Variants in HIVEP3 observed in about 807,000 individuals in gnomAD.
The protein encoded by HIVEP3 is transcription factor HIVEP3.
HIVEP3 carries 49 observed loss-of-function variants against 152.8 expected under a neutral mutation model. That is an observed-to-expected ratio of 0.32 (90% CI 0.26 to 0.41). The LOEUF is 0.41. Among genes scored for constraint, HIVEP3 ranks in the 10% least tolerant of loss-of-function variants. The pLI, the probability that HIVEP3 is intolerant of heterozygous loss-of-function variation, is 1.00. For missense variants in HIVEP3, 2,790 were observed against 3,103.3 expected (o/e 0.90, Z 2.40); for synonymous variants, 1,269 against 1,289.0 (o/e 0.98, Z 0.33).
chr1:41,865,231 C>A (rs1046354248), intron 1 of HIVEP3, among the ~76,000 whole-genome samples: 1 of 152,190 alleles, frequency 6.6e-6, no homozygotes, highest in Non-Finnish European at 1.5e-5. Context: ...GCAGCTGGGG[C>A]TAAACAAAGA....
At position 41,513,217 on chromosome 1, in the gene HIVEP3, C is replaced by T; in HGVS notation, c.6004G>A (p.Glu2002Lys). 3 of 1,613,642 alleles carry T rather than the reference C, an allele frequency of 1.9e-6. No homozygotes were observed. Among genetic ancestry groups the T allele is most frequent in the Admixed American group, 1.7e-5 (1 of 60,016 alleles). The change falls in exon 8 of 9, where the codon GAA (glutamate) becomes AAA (lysine). Residue 2002 changes from glutamate (E) to lysine (K), a missense_variant. Transcript: ENST00000372583. ...GGGCTTGGGGCTGAGGCCTGTGGTT[C>T]TCGGGCCGGGGAGCATCGCTGGGGA... ...SSPQRCSPAREPQASAPSPPG... is the reference protein window; with the variant it reads ...SSPQRCSPARKPQASAPSPPG...
intron 2 of HIVEP3, among the ~76,000 whole-genome samples, chr1:41,666,152 T>C (rs1486182742): frequency 6.6e-6 from 1 of 152,160 alleles, no homozygotes; most frequent in Non-Finnish European, 1.5e-5. Flanking sequence ...TATGTGTGTG[T>C]GTGTGCATGT....
chr1:41,739,028 G>A (rs964520265), intron 1 of HIVEP3, among the ~76,000 whole-genome samples: 1 of 152,198 alleles, frequency 6.6e-6, no homozygotes, highest in East Asian at 1.9e-4. Context: ...CACAGTCACC[G>A]GAAGGCTGAA....
intron 1 of HIVEP3, among the ~76,000 whole-genome samples, chr1:41,753,576 G>A (rs1647201585): frequency 1.3e-5 from 2 of 152,032 alleles, no homozygotes; most frequent in African/African-American, 4.8e-5. Context: ...GCTGAGGCAG[G>A]AGAATCACTT....
At chr1:42,008,503 C>T (rs1018759340) in intron 1 of HIVEP3, among the ~76,000 whole-genome samples, 3 of 152,296 alleles carry the variant, frequency 2.0e-5, no homozygotes, top group Middle Eastern at 6.8e-3. Flanking sequence ...CTTTCTAAAT[C>T]GGCTCCACAA....
At chr1:41,707,026 T>TTTTCTTTGAAATA (rs1553251339) in intron 1 of HIVEP3, among the ~76,000 whole-genome samples, 1 of 152,228 alleles carries the variant, frequency 6.6e-6, no homozygotes, top group Non-Finnish European at 1.5e-5. Context: ...CCAGAGAATA[T>TTTTCTTTGAAATA]TTTCTTTGAA....
chr1:41,736,443 G>A (rs57287386), intron 1 of HIVEP3, among the ~76,000 whole-genome samples: 46,191 of 152,066 alleles, frequency 0.3, 7,939 homozygotes, highest in East Asian at 0.47. Flanking sequence ...CTGGCTTTGG[G>A]AGAAGGAAGG....
intron 3 of HIVEP3, among the ~76,000 whole-genome samples, chr1:41,612,174 C>T (rs1003633496): frequency 6.6e-6 from 1 of 152,116 alleles, no homozygotes. Flanking sequence ...GCTGCCCGGT[C>T]CCCCATCTTC....
intron 2 of HIVEP3, among the ~76,000 whole-genome samples, chr1:41,637,848 T>C (rs568272156): frequency 1.3e-5 from 2 of 152,294 alleles, no homozygotes; most frequent in East Asian, 3.8e-4. Flanking sequence ...TGTCCGGAAC[T>C]GGGGCAGAGC....
intron 1 of HIVEP3, among the ~76,000 whole-genome samples, chr1:42,005,517 A>G (rs1028114123): frequency 5.3e-5 from 8 of 152,294 alleles, no homozygotes; most frequent in Middle Eastern, 6.8e-3. Context: ...CACAGCCTTC[A>G]TTTATTTTGT....
chr1:41,614,732 G>T (rs992458593), intron 3 of HIVEP3, among the ~76,000 whole-genome samples: 2 of 152,178 alleles, frequency 1.3e-5, no homozygotes, highest in Admixed American at 6.5e-5. Context: ...CACTTAGAAG[G>T]CCCCACATGG....
intron 1 of HIVEP3, among the ~76,000 whole-genome samples, chr1:41,764,135 G>A (rs1183212296): frequency 2.0e-5 from 3 of 152,112 alleles, no homozygotes; most frequent in Admixed American, 1.3e-4. Flanking sequence ...TGATAGAGAA[G>A]GGACTCTGAA....
chr1:41,537,339 C>T (rs1465843906), intron 5 of HIVEP3, among the ~76,000 whole-genome samples: 1 of 152,210 alleles, frequency 6.6e-6, no homozygotes, highest in Non-Finnish European at 1.5e-5. Flanking sequence ...ATGCTTTCCT[C>T]CCAGGGGGCA....
At chr1:41,720,904 A>G (rs1401453278) in intron 1 of HIVEP3, among the ~76,000 whole-genome samples, 1 of 152,240 alleles carries the variant, frequency 6.6e-6, no homozygotes, top group African/African-American at 2.4e-5. Context: ...GACAGCATGG[A>G]TGAACCTGGA....
chr1:41,902,046 G>C (rs769426828), intron 1 of HIVEP3, among the ~76,000 whole-genome samples: 43 of 152,108 alleles, frequency 2.8e-4, no homozygotes, highest in Non-Finnish European at 6.3e-4. Flanking sequence ...AAGTGAGGAG[G>C]GGGAGAGCTG....
intron 2 of HIVEP3, among the ~76,000 whole-genome samples, chr1:41,642,742 C>T (rs1435050227): frequency 1.3e-5 from 2 of 152,264 alleles, no homozygotes; most frequent in South Asian, 4.2e-4. Context: ...CTAACCCCGT[C>T]GACAGGGAAA....
intron 5 of HIVEP3, among the ~76,000 whole-genome samples, chr1:41,560,943 T>C (rs986233437): frequency 6.6e-6 from 1 of 152,192 alleles, no homozygotes; most frequent in African/African-American, 2.4e-5. Context: ...ATAAGAAGCA[T>C]CCTGCAGCAA....
chr1:41,580,079 C>A lies in HIVEP3; in HGVS notation c.4719G>T (p.Leu1573=). 6.2e-7 allele frequency: 1 copy of A among 1,614,234 alleles called. No individual in the cohort carries two copies. The highest frequency in any genetic ancestry group is 8.5e-7 in the Non-Finnish European group (1 of 1,180,048). ...TGGCTGGTCTGGAGGACGTTTCTGACAGAGGCAGAGAGCTCGGAGGTGCCA... is the reference window on the plus strand; with the variant it reads ...TGGCTGGTCTGGAGGACGTTTCTGAAAGAGGCAGAGAGCTCGGAGGTGCCA... The part of the protein sequence containing the change: ...PSLAPPSSLP[L]SETSSRPAKS... Residue 1573 remains leucine (L), a synonymous_variant, in exon 4 of 9, where the codon CTG becomes CTT. Coordinates refer to ENST00000372583, the MANE Select transcript of HIVEP3 (RefSeq NM_024503.5).
At chr1:41,516,171 C>T (rs1332086838) in intron 7 of HIVEP3, among the ~76,000 whole-genome samples, 1 of 152,286 alleles carries the variant, frequency 6.6e-6, no homozygotes, top group African/African-American at 2.4e-5. Context: ...TGAGGGAATG[C>T]CCCTGGCTGG....
Sources: gnomAD v4.1 joint callset for allele counts (sites outside exome capture counted in the v4.1 genomes callset) on GRCh38, gnomAD v4.1.1 for gene constraint, MANE v1.5 for transcripts, NCBI Gene and HGNC (gene_info 2026-07-23, HGNC 2026-07-21) for gene names.